The following SKAP1 variants were observed in gnomAD, a reference collection of about 807,000 sequenced individuals.
SKAP1 encodes the protein src kinase-associated phosphoprotein 1.
A neutral mutation model predicts 58.5 loss-of-function variants in SKAP1; 44 were observed. That is an observed-to-expected ratio of 0.75 (90% CI 0.59 to 0.97). The LOEUF (loss-of-function observed/expected upper bound fraction) is 0.97, where lower values mean the gene tolerates loss of function less well. SKAP1 is among the 50% of genes least tolerant of loss of function. The pLI is 0.00. For missense variants in SKAP1, 390 were observed against 435.2 expected, an observed-to-expected ratio of 0.90 and a Z score of 0.92; for synonymous variants, 127 against 149.7, an observed-to-expected ratio of 0.85 and a Z score of 1.11.
chr17:48,435,044 T>C (rs2067933122), upstream of SKAP1, among the ~76,000 whole-genome samples: 1 of 152,044 alleles, frequency 6.6e-6, no homozygotes, highest in African/African-American at 2.4e-5. Context: ...CCAGCTACTC[T>C]TGAGGCTTAG....
chr17:48,164,713 T>C (rs975387210), intron 10 of SKAP1, among the ~76,000 whole-genome samples: 1 of 151,996 alleles, frequency 6.6e-6, no homozygotes, highest in East Asian at 1.9e-4. Flanking sequence ...AGCCCAAGAA[T>C]AGGGAACTTC....
At chr17:48,329,184 A>G (rs12451731) in intron 4 of SKAP1, among the ~76,000 whole-genome samples, 14,036 of 152,206 alleles carry the variant, frequency 0.092, 989 homozygotes, top group African/African-American at 0.17. Context: ...AGTGGAAGAC[A>G]ATGTGGTGTA....
At chr17:48,217,872 A>C (rs1428527282) in intron 4 of SKAP1, among the ~76,000 whole-genome samples, 1 of 152,218 alleles carries the variant, frequency 6.6e-6, no homozygotes, top group Non-Finnish European at 1.5e-5. Flanking sequence ...AAAAGGCTAC[A>C]TTATGTGAAA....
chr17:48,136,552 T>G (rs1371334978), intron 12 of SKAP1: 1 of 152,356 alleles, frequency 6.6e-6, no homozygotes, highest in African/African-American at 2.4e-5. Flanking sequence ...GTCTTGGCCT[T>G]GAGGTAACCT....
In SKAP1 at chr17:48,202,393, G is replaced by A. The variant is rs74607773; in HGVS notation, c.281-12893C>T. Among the ~76,000 whole-genome samples, 577 of 152,078 alleles carry A rather than the reference G, an allele frequency of 3.8e-3. 2 individuals carry two copies. Among genetic ancestry groups the A allele is most frequent in the African/African-American group, 0.013 (551 of 41,480 alleles). ...TTTGACCTGGTATGTATTATCTCCT[G>A]GTCAAAGGGCCACTCCCAAGCCAAA... is the stretch of plus-strand genomic sequence containing the variant. On this transcript the variant is annotated intron_variant, in intron 4 of 12. Transcript: ENST00000336915.
At chr17:48,287,652 T>C (rs1379383175) in intron 4 of SKAP1, among the ~76,000 whole-genome samples, 1 of 152,210 alleles carries the variant, frequency 6.6e-6, no homozygotes, top group African/African-American at 2.4e-5. Context: ...CTCTGACTAT[T>C]AAGTACTAAA....
chr17:48,233,534 T>TAGTCCCAGCTACTCGGGAGGCTGAG (rs1567831319), intron 4 of SKAP1, among the ~76,000 whole-genome samples: 6 of 151,886 alleles, frequency 4.0e-5, no homozygotes, highest in African/African-American at 1.2e-4. Flanking sequence ...AAAATTTTAC[T>TAGTCCCAGCTACTCGGGAGGCTGAG]GTACTAATTG....
At chr17:48,372,393 G>A (rs1334417601) in intron 2 of SKAP1, among the ~76,000 whole-genome samples, 4 of 152,164 alleles carry the variant, frequency 2.6e-5, no homozygotes, top group South Asian at 2.1e-4. Context: ...CGCAACCTCC[G>A]CCTCCCAGGT....
intron 3 of SKAP1, among the ~76,000 whole-genome samples, chr17:48,350,884 C>T (rs1268974170): frequency 4.6e-5 from 7 of 151,988 alleles, no homozygotes; most frequent in Non-Finnish European, 7.4e-5. Context: ...ATTTAAGATC[C>T]CATAAGAAAT....
chr17:48,173,684 T>C (rs1198750730), intron 9 of SKAP1, among the ~76,000 whole-genome samples: 1 of 152,236 alleles, frequency 6.6e-6, no homozygotes, highest in African/African-American at 2.4e-5. Flanking sequence ...ATTCTACCTC[T>C]GCTGTCTGTG....
At chr17:48,309,607 A>G (rs899887485) in intron 4 of SKAP1, among the ~76,000 whole-genome samples, 4 of 152,166 alleles carry the variant, frequency 2.6e-5, no homozygotes, top group Admixed American at 1.3e-4. Context: ...ATATATACAT[A>G]TATGTCCACA....
At chr17:48,311,792 T>A (rs1383685488) in intron 4 of SKAP1, among the ~76,000 whole-genome samples, 1 of 152,204 alleles carries the variant, frequency 6.6e-6, no homozygotes, top group Non-Finnish European at 1.5e-5. Flanking sequence ...TACTTTTCTG[T>A]TAAAATTCGG....
intron 1 of SKAP1, among the ~76,000 whole-genome samples, chr17:48,410,782 TGGG>T (rs1444819322): frequency 1.3e-5 from 2 of 150,186 alleles, no homozygotes; most frequent in Non-Finnish European, 3.0e-5. Context: ...CAAAAATTAG[TGGG>T]GTGTGGTGGC....
At chr17:48,380,565 C>A (rs2067202137) in intron 2 of SKAP1, among the ~76,000 whole-genome samples, 1 of 152,192 alleles carries the variant, frequency 6.6e-6, no homozygotes, top group African/African-American at 2.4e-5. Flanking sequence ...ATTAGCATCT[C>A]CAGGGTAGGG....
chr17:48,232,305 G>A (rs969879822), intron 4 of SKAP1, among the ~76,000 whole-genome samples: 12 of 152,174 alleles, frequency 7.9e-5, no homozygotes, highest in South Asian at 2.1e-4. Context: ...TGATAGTCTC[G>A]TGTTCTATAT....
intron 4 of SKAP1, among the ~76,000 whole-genome samples, chr17:48,243,021 A>G (rs191694375): frequency 2.2e-4 from 33 of 152,356 alleles, no homozygotes; most frequent in African/African-American, 7.2e-4. Flanking sequence ...TGATAGCTCT[A>G]ACTCTTCGAA....
At chr17:48,367,545 TATATGG>T (rs1329937191) in intron 2 of SKAP1, among the ~76,000 whole-genome samples, 1 of 144,736 alleles carries the variant, frequency 6.9e-6, no homozygotes, top group Non-Finnish European at 1.5e-5. Flanking sequence ...TGTATATATA[TATATGG>T]ATATATATCC....
At chr17:48,413,336 GAAACCCTGTCTCCACT>G (rs2067688988) in intron 1 of SKAP1, among the ~76,000 whole-genome samples, 1 of 150,862 alleles carries the variant, frequency 6.6e-6, no homozygotes. Flanking sequence ...CCAACATGGA[GAAACCCTGTCTCCACT>G]AAAAATACAA....
intron 11 of SKAP1, among the ~76,000 whole-genome samples, chr17:48,143,776 G>C (rs1028541649): frequency 7.8e-4 from 118 of 152,210 alleles, no homozygotes; most frequent in African/African-American, 2.8e-3. Context: ...CCACCTGCCA[G>C]ATGCTGTCAT....
Sources: gnomAD v4.1 joint callset for allele counts (sites outside exome capture counted in the v4.1 genomes callset) on GRCh38, gnomAD v4.1.1 for gene constraint, MANE v1.5 for transcripts, NCBI Gene and HGNC (gene_info 2026-07-23, HGNC 2026-07-21) for gene names.